The following DPYS variants were observed in gnomAD, a reference collection of about 807,000 sequenced individuals.
DPYS encodes the protein dihydropyrimidine amidohydrolase.
Under a neutral mutation model 50.3 loss-of-function variants are expected in DPYS, and 39 were observed. That is an observed-to-expected ratio of 0.78 (90% CI 0.60 to 1.01). The LOEUF (loss-of-function observed/expected upper bound fraction) is 1.01, where lower values mean the gene tolerates loss of function less well. Among genes scored for constraint, DPYS ranks in the 50% least tolerant of loss-of-function variants. The pLI is 0.00. For synonymous variants in DPYS, 245 were observed against 250.7 expected, an observed-to-expected ratio of 0.98 and a Z score of 0.22; for missense variants, 659 against 680.9, an observed-to-expected ratio of 0.97 and a Z score of 0.36.
At chr8:104,393,350 G>A (rs1811464474) in intron 7 of DPYS, among the ~76,000 whole-genome samples, 1 of 152,070 alleles carries the variant, frequency 6.6e-6, no homozygotes, top group Admixed American at 6.5e-5. Flanking sequence ...GCAGATGACT[G>A]ATGAACACAC....
At chr8:104,440,584 C>A (rs996558420) in intron 4 of DPYS, among the ~76,000 whole-genome samples, 2 of 152,206 alleles carry the variant, frequency 1.3e-5, no homozygotes, top group East Asian at 1.9e-4. Context: ...TGGTGAAACC[C>A]TGTCTCTACT....
In DPYS at chr8:104,447,315, A is replaced by G. The variant is rs373945311; in HGVS notation, c.603+9T>C. On this transcript the variant is annotated intron_variant, in intron 3 of 9. Transcript: ENST00000351513. ...ATTTCTGTAGAAGCTTTGGAATGCAAATGCGTACCTCTGCAATTAAGTCTC... is the reference window on the plus strand; with the variant it reads ...ATTTCTGTAGAAGCTTTGGAATGCAGATGCGTACCTCTGCAATTAAGTCTC... The G allele has an allele frequency of 1.2e-6, 2 of 1,613,914 alleles. No homozygotes were observed. Among genetic ancestry groups the G allele is most frequent in the Non-Finnish European group, 1.7e-6 (2 of 1,179,966 alleles).
chr8:104,382,924 C>A (rs1428723857), intron 8 of DPYS, among the ~76,000 whole-genome samples: 2 of 152,188 alleles, frequency 1.3e-5, no homozygotes, highest in Admixed American at 1.3e-4. Context: ...TCCTCAGATC[C>A]CATTCCGTCT....
intron 7 of DPYS, among the ~76,000 whole-genome samples, chr8:104,407,254 T>G (rs1000611172): frequency 6.6e-6 from 1 of 152,248 alleles, no homozygotes; most frequent in South Asian, 2.1e-4. Flanking sequence ...ACTCAAATAG[T>G]AAGTGCTTAA....
intron 1 of DPYS, among the ~76,000 whole-genome samples, chr8:104,461,220 GA>G (rs1465260871): frequency 6.6e-6 from 1 of 151,492 alleles, no homozygotes; most frequent in Non-Finnish European, 1.5e-5. Flanking sequence ...TTGAGCCCAG[GA>G]GGATGAGGCT....
At chr8:104,433,386 T>A (rs1034490677) in intron 4 of DPYS, among the ~76,000 whole-genome samples, 1 of 152,078 alleles carries the variant, frequency 6.6e-6, no homozygotes, top group Admixed American at 6.6e-5. Context: ...TGTTCTAAAT[T>A]TAAAGGACAA....
intron 4 of DPYS, among the ~76,000 whole-genome samples, chr8:104,430,639 C>T (rs979556320): frequency 1.6e-4 from 24 of 152,084 alleles, no homozygotes; most frequent in African/African-American, 3.9e-4. Flanking sequence ...AGTAGATGGC[C>T]GCCAGTTGCC....
chr8:104,466,633 G>A (rs1319323771), intron 1 of DPYS, 24 bp downstream of exon 1: 1 of 1,503,816 alleles, frequency 6.6e-7, no homozygotes, highest in African/African-American at 1.4e-5. Context: ...GTACCGCGGG[G>A]CGGGGGCGCG....
Position 104,466,816 on chromosome 8 carries a change from G to T in DPYS, c.105C>A (p.Leu35=). ...CCCCGGGAGGCAGCAGGTCGTGCCC[G>T]AGTGCCCGCACCACGCCGTCCTCCA... ...VLVEDGVVRA[L]GHDLLPPGGA... Residue 35 remains leucine (L), a synonymous_variant, in exon 1 of 10, where the codon CTC becomes CTA. Coordinates refer to ENST00000351513, the MANE Select transcript of DPYS (RefSeq NM_001385.3). The T allele has an allele frequency of 6.5e-7, 1 of 1,533,804 alleles. No homozygotes were observed. Among genetic ancestry groups the T allele is most frequent in the Non-Finnish European group, 8.7e-7 (1 of 1,145,590 alleles).
intron 7 of DPYS, chr8:104,411,807 G>A (rs1489066446): frequency 1.3e-5 from 2 of 152,044 alleles, no homozygotes; most frequent in Non-Finnish European, 2.9e-5. Flanking sequence ...CATCTGGGGA[G>A]GCCCTTCCTT....
At chr8:104,433,220 C>T (rs1187891598) in intron 4 of DPYS, among the ~76,000 whole-genome samples, 2 of 152,174 alleles carry the variant, frequency 1.3e-5, no homozygotes, top group Non-Finnish European at 2.9e-5. Context: ...AAATAAATTC[C>T]TGTTGTTTAA....
chr8:104,398,332 A>T (rs975633900), intron 7 of DPYS, among the ~76,000 whole-genome samples: 2 of 152,206 alleles, frequency 1.3e-5, no homozygotes, highest in African/African-American at 2.4e-5. Flanking sequence ...GCTCCACTGC[A>T]GTGAGGTGAT....
chr8:104,381,010 T>C (rs1345539763), intron 9 of DPYS, 174 bp downstream of exon 9: 3 of 600,606 alleles, frequency 5.0e-6, no homozygotes, highest in Non-Finnish European at 9.0e-6. Flanking sequence ...CCTTCTACAA[T>C]CTGGAAGGCT....
At chr8:104,399,726 A>G (rs1384830262) in intron 7 of DPYS, among the ~76,000 whole-genome samples, 1 of 151,706 alleles carries the variant, frequency 6.6e-6, no homozygotes, top group Non-Finnish European at 1.5e-5. Flanking sequence ...AAAATTAGCC[A>G]GGTGTGGTGG....
intron 4 of DPYS, among the ~76,000 whole-genome samples, chr8:104,440,996 T>G (rs1411285264): frequency 6.6e-6 from 1 of 152,194 alleles, no homozygotes; most frequent in Middle Eastern, 3.2e-3. Flanking sequence ...GATCTGTCCT[T>G]TGGTTTGCTG....
chr8:104,394,961 T>C (rs1299377554), intron 7 of DPYS, among the ~76,000 whole-genome samples: 4 of 151,624 alleles, frequency 2.6e-5, no homozygotes, highest in African/African-American at 4.9e-5. Context: ...AAAGGACATA[T>C]GACCACTTTG....
At chr8:104,457,385 A>G (rs1261900608) in intron 1 of DPYS, among the ~76,000 whole-genome samples, 1 of 152,214 alleles carries the variant, frequency 6.6e-6, no homozygotes, top group Non-Finnish European at 1.5e-5. Context: ...AGGACGTTGT[A>G]CAATTTAAAA....
intron 7 of DPYS, among the ~76,000 whole-genome samples, chr8:104,422,585 C>T (rs916367279): frequency 2.6e-5 from 4 of 152,322 alleles, no homozygotes; most frequent in Non-Finnish European, 4.4e-5. Context: ...CCCACGAGAG[C>T]TGTGACGTAC....
intron 2 of DPYS, among the ~76,000 whole-genome samples, chr8:104,449,468 G>A (rs1182311203): frequency 2.6e-5 from 4 of 152,170 alleles, no homozygotes; most frequent in African/African-American, 9.7e-5. Context: ...TCACCTGGTT[G>A]CTTGCTAGAA....
Sources: gnomAD v4.1 joint callset for allele counts (sites outside exome capture counted in the v4.1 genomes callset) on GRCh38, gnomAD v4.1.1 for gene constraint, MANE v1.5 for transcripts, NCBI Gene and HGNC (gene_info 2026-07-23, HGNC 2026-07-21) for gene names.